The following TG variants were observed in gnomAD, a reference collection of about 807,000 sequenced individuals.
The protein encoded by TG is thyroid hormones.
TG carries 270 observed loss-of-function variants against 324.7 expected under a neutral mutation model. The observed-to-expected ratio is 0.83, with a 90% CI of 0.75 to 0.92. The LOEUF is 0.92. Among genes scored for constraint, TG ranks in the 40% least tolerant of loss-of-function variants. The pLI, the probability that TG is intolerant of heterozygous loss-of-function variation, is 0.00. For missense variants in TG, 3,591 were observed against 3,456.4 expected (o/e 1.04, Z -0.98); for synonymous variants, 1,401 against 1,327.0 (o/e 1.06, Z -1.21).
Position 132,933,901 on chromosome 8 carries a change from T to C in TG, c.4932+225T>C, listed in dbSNP as rs144993672. On this transcript the variant is annotated intron_variant, in intron 24 of 47. Transcript: ENST00000220616. ...GGAGTAAGGGGCGTCTGCTTGAGCCTTGTGGCTTCCTGACGAGTCAGTCAG... is the reference window on the plus strand; with the variant it reads ...GGAGTAAGGGGCGTCTGCTTGAGCCCTGTGGCTTCCTGACGAGTCAGTCAG... Among the ~76,000 whole-genome samples, 659 of 152,260 alleles carry C rather than the reference T, an allele frequency of 4.3e-3. 7 individuals are homozygous for C. The highest frequency in any genetic ancestry group is 0.015 in the African/African-American group (627 of 41,538).
At chr8:133,015,225 G>A (rs1834913662) in intron 37 of TG, among the ~76,000 whole-genome samples, 1 of 152,106 alleles carries the variant, frequency 6.6e-6, no homozygotes, top group Non-Finnish European at 1.5e-5. Flanking sequence ...TAACATTGAG[G>A]TTTGAGTTCT....
intron 44 of TG, among the ~76,000 whole-genome samples, chr8:133,113,876 G>A (rs1019227054): frequency 2.0e-5 from 3 of 152,158 alleles, no homozygotes; most frequent in African/African-American, 4.8e-5. Context: ...GGGAGCTGTC[G>A]GAGGGCAGAG....
intron 26 of TG, among the ~76,000 whole-genome samples, chr8:132,948,214 A>G (rs1825603703): frequency 6.6e-6 from 1 of 151,826 alleles, no homozygotes; most frequent in Non-Finnish European, 1.5e-5. Context: ...TTTGAATCTA[A>G]GTACTCCTTT....
At chr8:132,999,393 T>C (rs1337344328) in intron 35 of TG, among the ~76,000 whole-genome samples, 1 of 152,244 alleles carries the variant, frequency 6.6e-6, no homozygotes, top group African/African-American at 2.4e-5. Context: ...GAAGGACCAC[T>C]ATCAGCAGGT....
chr8:132,964,685 A>T (rs1031712285), intron 29 of TG: 24 of 567,550 alleles, frequency 4.2e-5, no homozygotes, highest in Non-Finnish European at 7.2e-5. Context: ...ACCAGGTATA[A>T]GATGAAGTGG....
At chr8:132,943,256 G>T (rs1267405562) in intron 26 of TG, among the ~76,000 whole-genome samples, 1 of 152,132 alleles carries the variant, frequency 6.6e-6, no homozygotes, top group Non-Finnish European at 1.5e-5. Flanking sequence ...TCGTGACAGT[G>T]AGTGAGTTCT....
chr8:133,045,463 C>G (rs1038948717), intron 41 of TG, among the ~76,000 whole-genome samples: 1 of 136,970 alleles, frequency 7.3e-6, no homozygotes, highest in Admixed American at 8.1e-5. Context: ...GGTGCCATCT[C>G]AGCTCACTGC....
At chr8:132,900,115 C>T (rs1345864854) in intron 14 of TG, 122 bp from the exon 15 acceptor site, 2 of 789,898 alleles carry the variant, frequency 2.5e-6, no homozygotes, top group Non-Finnish European at 4.3e-6. Context: ...CTCCACATCT[C>T]TCCGTCTGGA....
rs1829571049 is a variant in TG at position 132,971,879 on chromosome 8, A to G, written c.6055+6A>G. 8 of 1,598,844 alleles carry G rather than the reference A, an allele frequency of 5.0e-6. No individual in the cohort carries two copies. The highest frequency in any genetic ancestry group is 1.7e-4 in the Middle Eastern group (1 of 6,040). ...AAATGTTTCCCAGTTAAAAGGTAAT[A>G]ATGGTAACAACTTCCTCTCCCCTGC... is the stretch of plus-strand genomic sequence containing the variant. On this transcript the variant is annotated splice_donor_region_variant and intron_variant, in intron 33 of 47. Coordinates refer to ENST00000220616, the MANE Select transcript of TG (RefSeq NM_003235.5).
intron 20 of TG, among the ~76,000 whole-genome samples, chr8:132,914,638 T>C (rs1270759997): frequency 6.6e-6 from 1 of 152,216 alleles, no homozygotes; most frequent in Non-Finnish European, 1.5e-5. Context: ...AGATGGGGCA[T>C]CTGTCATGCC....
chr8:132,992,539 G>T (rs1832467815), intron 35 of TG, among the ~76,000 whole-genome samples: 1 of 152,202 alleles, frequency 6.6e-6, no homozygotes, highest in Non-Finnish European at 1.5e-5. Flanking sequence ...TGGAGAGCCT[G>T]CACAGTGTTT....
chr8:132,966,760 G>T, intron 30 of TG, 63 bp downstream of exon 30: 7 of 1,609,616 alleles, frequency 4.3e-6, no homozygotes, highest in Non-Finnish European at 5.9e-6. Context: ...CACAGGCCAA[G>T]TCTGGCAACT....
intron 25 of TG, 47 bp downstream of exon 25, chr8:132,935,911 G>A (rs199829293): frequency 2.0e-5 from 29 of 1,454,762 alleles, no homozygotes; most frequent in African/African-American, 2.8e-5. Flanking sequence ...GGCTTCACAC[G>A]GTCATGTTTG....
chr8:132,969,347 T>C (rs539369935), intron 31 of TG, 111 bp from the exon 32 acceptor site: 3 of 786,030 alleles, frequency 3.8e-6, no homozygotes, highest in Non-Finnish European at 6.7e-6. Flanking sequence ...ATGAATTTAA[T>C]ATGTCATCTT....
At chr8:133,028,709 T>C (rs1174142090) in intron 40 of TG, among the ~76,000 whole-genome samples, 2 of 152,140 alleles carry the variant, frequency 1.3e-5, no homozygotes, top group Middle Eastern at 3.4e-3. Flanking sequence ...AGTGGTGGAG[T>C]TGGGACTGCA....
intron 16 of TG, among the ~76,000 whole-genome samples, chr8:132,905,456 C>A (rs1019174064): frequency 2.6e-5 from 4 of 152,152 alleles, no homozygotes; most frequent in African/African-American, 9.7e-5. Flanking sequence ...TCTTTGAAGC[C>A]CCTGAATACC....
At chr8:133,112,668 C>T (rs958184188) in intron 43 of TG, among the ~76,000 whole-genome samples, 7 of 152,138 alleles carry the variant, frequency 4.6e-5, no homozygotes, top group Middle Eastern at 3.2e-3. Flanking sequence ...GAAAAAGTTG[C>T]GCCCATCTGG....
intron 41 of TG, among the ~76,000 whole-genome samples, chr8:133,034,761 AAGGCCTTCCTC>A (rs1444801306): frequency 2.0e-5 from 3 of 152,068 alleles, no homozygotes; most frequent in Non-Finnish European, 4.4e-5. Context: ...GCCATTTCTT[AAGGCCTTCCTC>A]ATCTGCAGGG....
intron 10 of TG, among the ~76,000 whole-genome samples, chr8:132,893,062 GTGTA>G (rs1211612828): frequency 1.3e-5 from 2 of 149,558 alleles, no homozygotes; most frequent in East Asian, 2.0e-4. Flanking sequence ...TGAGTGGTGT[GTGTA>G]TGTGTGTGGG....
Sources: allele counts gnomAD v4.1 joint callset (sites outside exome capture counted in the v4.1 genomes callset), GRCh38; gene constraint gnomAD v4.1.1; transcripts MANE v1.5; gene names NCBI Gene and HGNC (gene_info 2026-07-23, HGNC 2026-07-21).